Variants in AGFG1 observed in about 807,000 individuals in gnomAD.
AGFG1 encodes arf-GAP domain and FG repeat-containing protein 1.
In AGFG1, 10 loss-of-function variants were observed where a neutral mutation model predicts 60.6. That is an observed-to-expected ratio of 0.16 (90% CI 0.10 to 0.28). The LOEUF (loss-of-function observed/expected upper bound fraction) is 0.28, where lower values mean the gene tolerates loss of function less well. AGFG1 is among the 10% of genes least tolerant of loss of function. AGFG1 has a pLI of 1.00. For missense variants in AGFG1, 537 were observed against 676.5 expected (o/e 0.79, Z 2.29); for synonymous variants, 247 against 242.9 (o/e 1.02, Z -0.16).
chr2:227,499,522 C>G (rs981077340), intron 2 of AGFG1, among the ~76,000 whole-genome samples: 1 of 151,966 alleles, frequency 6.6e-6, no homozygotes, highest in Non-Finnish European at 1.5e-5. Flanking sequence ...TGCCTGTAAT[C>G]CCAACTACTC....
At chr2:227,507,602 C>CAAAA (rs1162277041) in intron 2 of AGFG1, among the ~76,000 whole-genome samples, 46 of 61,462 alleles carry the variant, frequency 7.5e-4, no homozygotes, top group African/African-American at 1.6e-3. Flanking sequence ...GACTCTGTCT[C>CAAAA]AAAAAAAAAA....
At chr2:227,529,850 G>GA in intron 5 of AGFG1, among the ~76,000 whole-genome samples, 1 of 151,652 alleles carries the variant, frequency 6.6e-6, no homozygotes, top group East Asian at 1.9e-4. Flanking sequence ...TTACCACATG[G>GA]AAATAGGGGT....
At chr2:227,538,602 C>T (rs904846887) in intron 10 of AGFG1, among the ~76,000 whole-genome samples, 3 of 152,222 alleles carry the variant, frequency 2.0e-5, no homozygotes, top group Non-Finnish European at 4.4e-5. Flanking sequence ...GAACAATATT[C>T]TCTTGCTGGC....
chr2:227,520,917 G>T (rs4973499), intron 3 of AGFG1, among the ~76,000 whole-genome samples: 90,328 of 152,014 alleles, frequency 0.59, 26,943 homozygotes, highest in South Asian at 0.69. Context: ...TTCAACCCAA[G>T]AGAATCTGTT....
intron 10 of AGFG1, among the ~76,000 whole-genome samples, chr2:227,545,864 A>G (rs1334786628): frequency 1.3e-5 from 2 of 152,142 alleles, no homozygotes; most frequent in African/African-American, 4.8e-5. Context: ...GCTTCGTCTC[A>G]GAGGGGCACC....
intron 2 of AGFG1, among the ~76,000 whole-genome samples, chr2:227,516,086 A>G (rs1182504145): frequency 6.6e-6 from 1 of 152,200 alleles, no homozygotes; most frequent in Non-Finnish European, 1.5e-5. Flanking sequence ...TGGTGTTCTG[A>G]TACAGAGGCA....
In AGFG1 at chr2:227,556,123, A is replaced by C. The variant is rs551641128; in HGVS notation, c.*1628A>C. The C allele has an allele frequency of 3.0e-4, 46 of 152,348 alleles. No homozygotes were observed. The highest frequency in any genetic ancestry group is 1.1e-3 in the Admixed American group (17 of 15,308). 9.4% of individuals were successfully genotyped at this position (152,348 alleles called of 1,614,324 possible). A position where few individuals can be genotyped will look rare whatever the true frequency, so the allele number is the denominator to read the frequency against. On this transcript the variant is annotated 3_prime_UTR_variant, in exon 13 of 13. Coordinates refer to ENST00000310078, the MANE Select transcript of AGFG1 (RefSeq NM_004504.5). ...AGTAAAGGTGAAATTGCATACACAG[A>C]TATGTAGTACATATTTTAAAAGTTT...
intron 2 of AGFG1, chr2:227,508,543 G>A: frequency 2.2e-6 from 1 of 458,688 alleles, no homozygotes; most frequent in Non-Finnish European, 4.5e-6. Flanking sequence ...TATATGTGAG[G>A]TAGGGAGGCA....
chr2:227,499,735 T>C (rs1691092235), intron 2 of AGFG1, among the ~76,000 whole-genome samples: 1 of 152,042 alleles, frequency 6.6e-6, no homozygotes, highest in South Asian at 2.1e-4. Context: ...GTATTAGTAG[T>C]ATGTGGCATA....
At chr2:227,527,699 C>G (rs1444506932) in intron 5 of AGFG1, among the ~76,000 whole-genome samples, 1 of 152,112 alleles carries the variant, frequency 6.6e-6, no homozygotes, top group Non-Finnish European at 1.5e-5. Flanking sequence ...AAATGTAGAA[C>G]ATTAATTTAG....
intron 2 of AGFG1, among the ~76,000 whole-genome samples, chr2:227,511,166 T>C (rs1691488405): frequency 6.6e-6 from 1 of 152,212 alleles, no homozygotes; most frequent in Non-Finnish European, 1.5e-5. Context: ...CCCATCTCTC[T>C]ATGTTATTCC....
chr2:227,530,766 A>G (rs1001140597), intron 5 of AGFG1, among the ~76,000 whole-genome samples: 2 of 152,160 alleles, frequency 1.3e-5, no homozygotes, highest in African/African-American at 4.8e-5. Context: ...CCTATAACTC[A>G]GTACTGTAAC....
chr2:227,492,345 C>A (rs953721094), intron 2 of AGFG1, among the ~76,000 whole-genome samples: 4 of 151,868 alleles, frequency 2.6e-5, no homozygotes, highest in East Asian at 1.9e-4. Context: ...TAAGGATGAG[C>A]CAGTTAACCC....
At chr2:227,474,148 G>A (rs182055380) in intron 1 of AGFG1, among the ~76,000 whole-genome samples, 1 of 152,304 alleles carries the variant, frequency 6.6e-6, no homozygotes, top group East Asian at 1.9e-4. Flanking sequence ...CCTGGTTCAT[G>A]CATTTCATTT....
At chr2:227,535,372 T>C (rs957213783) in intron 8 of AGFG1, among the ~76,000 whole-genome samples, 1 of 152,222 alleles carries the variant, frequency 6.6e-6, no homozygotes. Flanking sequence ...TTTTTAGTCA[T>C]GATGATTAAA....
At chr2:227,485,247 T>C (rs1386961305) in intron 1 of AGFG1, among the ~76,000 whole-genome samples, 1 of 15,594 alleles carries the variant, frequency 6.4e-5, no homozygotes, top group Non-Finnish European at 1.3e-4. Context: ...TCGTTTCTTT[T>C]TTTTTTTTTT....
chr2:227,544,009 T>G (rs1692568796), intron 10 of AGFG1, among the ~76,000 whole-genome samples: 2 of 152,186 alleles, frequency 1.3e-5, no homozygotes, highest in Admixed American at 1.3e-4. Flanking sequence ...TCTGCTTTTT[T>G]TTGTTTTCTA....
Position 227,534,981 on chromosome 2 carries a change from A to C in AGFG1, c.1161A>C (p.Ala387=). 6.2e-7 allele frequency: 1 copy of C among 1,613,830 alleles called. No individual in the cohort carries two copies. The highest frequency in any genetic ancestry group is 8.5e-7 in the Non-Finnish European group (1 of 1,179,810). The change falls in exon 8 of 13, where the codon GCA becomes GCC. Residue 387 remains alanine, a synonymous_variant. Coordinates refer to ENST00000310078, the MANE Select transcript of AGFG1 (RefSeq NM_004504.5). ...LAELDSVFSS[A]ATSSNAYTST... ...AACTAGACAGCGTTTTCAGTTCTGC[A>C]GCCACCTCCAGTAATGCGTATACTT...
chr2:227,549,197 TATAAA>T (rs1351423822), intron 10 of AGFG1, among the ~76,000 whole-genome samples: 1 of 152,168 alleles, frequency 6.6e-6, no homozygotes, highest in East Asian at 1.9e-4. Flanking sequence ...AACTGAAGCT[TATAAA>T]ATAAAGTAAC....
Sources: gnomAD v4.1 joint callset for allele counts (sites outside exome capture counted in the v4.1 genomes callset) on GRCh38, gnomAD v4.1.1 for gene constraint, MANE v1.5 for transcripts, NCBI Gene and HGNC (gene_info 2026-07-23, HGNC 2026-07-21) for gene names.